The following RYR2 variants were observed in gnomAD, a reference collection of about 807,000 sequenced individuals.
RYR2 encodes the protein cardiac muscle ryanodine receptor-calcium release channel.
In RYR2, 227 loss-of-function variants were observed where a neutral mutation model predicts 601.1. The ratio of observed to expected loss-of-function variants is 0.38; its 90% CI spans 0.34 to 0.42. RYR2 has a LOEUF of 0.42. RYR2 is among the 10% of genes least tolerant of loss of function. The pLI is 1.00. For synonymous variants in RYR2, 2,223 were observed against 2,175.1 expected, an observed-to-expected ratio of 1.02 and a Z score of -0.61; for missense variants, 4,646 against 6,156.5, an observed-to-expected ratio of 0.75 and a Z score of 8.21.
chr1:237,703,968 A>G (rs575077107), intron 66 of RYR2, among the ~76,000 whole-genome samples: 1 of 152,148 alleles, frequency 6.6e-6, no homozygotes, highest in Non-Finnish European at 1.5e-5. Flanking sequence ...AAACCAAAAC[A>G]AACAAGCAAA....
At chr1:237,745,603 G>T (rs1460160984) in intron 80 of RYR2, among the ~76,000 whole-genome samples, 1 of 152,186 alleles carries the variant, frequency 6.6e-6, no homozygotes, top group Non-Finnish European at 1.5e-5. Flanking sequence ...TCCTCATTCA[G>T]AAAAGAAGTC....
intron 11 of RYR2, among the ~76,000 whole-genome samples, chr1:237,419,252 T>C (rs1200783365): frequency 6.6e-6 from 1 of 152,054 alleles, no homozygotes; most frequent in Admixed American, 6.6e-5. Flanking sequence ...CTTAAAGAAA[T>C]ATTTATCTTT....
intron 3 of RYR2, among the ~76,000 whole-genome samples, chr1:237,335,024 C>T (rs1697111628): frequency 6.6e-6 from 1 of 152,100 alleles, no homozygotes. Context: ...GGTTGGACTG[C>T]TATTAATTCC....
intron 60 of RYR2, among the ~76,000 whole-genome samples, chr1:237,677,748 A>G (rs1406437289): frequency 2.0e-5 from 3 of 152,072 alleles, no homozygotes; most frequent in Non-Finnish European, 2.9e-5. Flanking sequence ...CTTTTACTCT[A>G]TTCTATTCCA....
intron 2 of RYR2, among the ~76,000 whole-genome samples, chr1:237,317,874 T>C (rs1695260525): frequency 1.3e-5 from 2 of 152,206 alleles, no homozygotes; most frequent in South Asian, 2.1e-4. Context: ...GTGTCTATTA[T>C]AGAGAGCATA....
At chr1:237,195,960 T>G (rs1680515689) in intron 1 of RYR2, among the ~76,000 whole-genome samples, 1 of 152,244 alleles carries the variant, frequency 6.6e-6, no homozygotes, top group Non-Finnish European at 1.5e-5. Flanking sequence ...AGTGTTAAAA[T>G]AGCCAATGAT....
intron 63 of RYR2, among the ~76,000 whole-genome samples, chr1:237,698,025 A>G (rs1333802608): frequency 6.6e-6 from 1 of 151,974 alleles, no homozygotes; most frequent in Non-Finnish European, 1.5e-5. Flanking sequence ...TACTTTTTGT[A>G]TAAAGAATAT....
At chr1:237,604,966 G>A (rs557586969) in intron 35 of RYR2, among the ~76,000 whole-genome samples, 5 of 152,258 alleles carry the variant, frequency 3.3e-5, no homozygotes, top group African/African-American at 1.2e-4. Context: ...GGACCAGACA[G>A]ATTCACAGCC....
intron 1 of RYR2, among the ~76,000 whole-genome samples, chr1:237,134,133 C>T (rs942608486): frequency 4.6e-5 from 7 of 152,140 alleles, no homozygotes; most frequent in African/African-American, 1.7e-4. Flanking sequence ...CATTGGGCAG[C>T]TTCTGAGACA....
chr1:237,322,212 G>A (rs1280360522), intron 2 of RYR2, among the ~76,000 whole-genome samples: 1 of 152,120 alleles, frequency 6.6e-6, no homozygotes, highest in African/African-American at 2.4e-5. Context: ...GTATTTGTAT[G>A]GTTATGCCTG....
intron 1 of RYR2, among the ~76,000 whole-genome samples, chr1:237,188,254 G>GA (rs1679581629): frequency 5.2e-5 from 1 of 19,074 alleles, no homozygotes; most frequent in Admixed American, 9.3e-4. Context: ...GTTCAGCATT[G>GA]CTTTTTTTTT....
chr1:237,575,319 G>A (rs746220060), intron 29 of RYR2, among the ~76,000 whole-genome samples: 6 of 152,132 alleles, frequency 3.9e-5, no homozygotes, highest in Non-Finnish European at 8.8e-5. Flanking sequence ...CCTAGGAGGA[G>A]CTCTCCTGAC....
intron 2 of RYR2, among the ~76,000 whole-genome samples, chr1:237,318,082 ATTTCT>A (rs1426785176): frequency 2.0e-5 from 3 of 151,916 alleles, no homozygotes; most frequent in Admixed American, 6.6e-5. Flanking sequence ...ACCTCTGTTG[ATTTCT>A]TTACTATGTA....
At chr1:237,325,580 CAGG>C (rs1377922369) in intron 2 of RYR2, among the ~76,000 whole-genome samples, 1 of 151,918 alleles carries the variant, frequency 6.6e-6, no homozygotes, top group Non-Finnish European at 1.5e-5. Context: ...CCCAGCTACT[CAGG>C]AGGCTGAGGC....
chr1:237,262,061 G>A (rs567947412), intron 1 of RYR2, among the ~76,000 whole-genome samples: 35 of 152,034 alleles, frequency 2.3e-4, no homozygotes, highest in African/African-American at 8.2e-4. Context: ...TTTAAATGAT[G>A]AATGACTATT....
intron 1 of RYR2, among the ~76,000 whole-genome samples, chr1:237,126,470 C>T (rs1042161203): frequency 6.6e-6 from 1 of 152,126 alleles, no homozygotes; most frequent in Non-Finnish European, 1.5e-5. Flanking sequence ...TTCTGATGGG[C>T]AACCTTTTAT....
At chr1:237,799,872 C>T (rs1204293675) in intron 97 of RYR2, among the ~76,000 whole-genome samples, 1 of 152,116 alleles carries the variant, frequency 6.6e-6, no homozygotes, top group African/African-American at 2.4e-5. Context: ...CATTTGCGTC[C>T]TCACTGGGGA....
At chr1:237,451,988 TTGTGTGTGTGTTTG>T (rs1658191922) in intron 14 of RYR2, among the ~76,000 whole-genome samples, 1 of 43,018 alleles carries the variant, frequency 2.3e-5, no homozygotes, top group Non-Finnish European at 6.9e-5. Flanking sequence ...GTATGTGTGT[TTGTGTGTGTGTTTG>T]TGTGTGTGTT....
At chr1:237,562,482 T>C (rs722583) in intron 27 of RYR2, among the ~76,000 whole-genome samples, 44,685 of 151,990 alleles carry the variant, frequency 0.29, 6,782 homozygotes, top group East Asian at 0.47. Flanking sequence ...TTAGGCCTTT[T>C]TAGGCCCTAG....
Sources: gnomAD v4.1 joint callset for allele counts (sites outside exome capture counted in the v4.1 genomes callset) on GRCh38, gnomAD v4.1.1 for gene constraint, MANE v1.5 for transcripts, NCBI Gene and HGNC (gene_info 2026-07-23, HGNC 2026-07-21) for gene names.